The following RNF207 variants were observed in gnomAD, a reference collection of about 807,000 sequenced individuals.
RNF207 encodes the protein ring finger protein 207.
Under a neutral mutation model 79.0 loss-of-function variants are expected in RNF207, and 72 were observed. The ratio of observed to expected loss-of-function variants is 0.91; its 90% confidence interval spans 0.75 to 1.11. The LOEUF is 1.11. Among genes scored for constraint, RNF207 ranks in the 50% least tolerant of loss-of-function variants. The pLI is 0.00. For synonymous variants in RNF207, 348 were observed against 366.2 expected (o/e 0.95, Z 0.57); for missense variants, 936 against 855.8 (o/e 1.09, Z -1.17).
intron 16 of RNF207, among the ~76,000 whole-genome samples, chr1:6,214,630 C>CTTTCTTTTTTTTTTTTTTTTTTTT (rs1668298424): frequency 1.4e-5 from 1 of 70,628 alleles, no homozygotes; most frequent in Non-Finnish European, 2.6e-5. Context: ...ATATTTCTTT[C>CTTTCTTTTTTTTTTTTTTTTTTTT]TTTTTTTTTT....
intron 16 of RNF207, among the ~76,000 whole-genome samples, chr1:6,214,816 A>C (rs1281509941): frequency 2.0e-5 from 3 of 150,404 alleles, no homozygotes; most frequent in Non-Finnish European, 3.0e-5. Flanking sequence ...TTGTATTTTT[A>C]GTAGAGACGG....
rs760908067 is a variant in RNF207 at position 6,218,334 on chromosome 1, G to A, written c.1698G>A (p.Thr566=). 30 of 1,613,950 alleles carry A rather than the reference G, an allele frequency of 1.9e-5. No homozygotes were observed. The highest frequency in any genetic ancestry group is 1.6e-4 in the Middle Eastern group (1 of 6,084). ...VDEQSESLQN[T]HDDSRNNAAS... ...AGCAGTCAGAGAGTCTACAGAACAC[G>A]CACGACGACAGCAGGAACAACGCGG... is the stretch of plus-strand genomic sequence containing the variant. The change falls in exon 17 of 18, where the codon ACG becomes ACA. Residue 566 remains threonine, a synonymous_variant. Transcript: ENST00000377939.
In RNF207 at chr1:6,216,252, TCCTGGGTGCTACCCACA is replaced by T. The variant is rs367803537; in HGVS notation, c.1653-2035_1653-2019del. Reference sequence around the variant, plus strand: ...AGGGGGCTTCTGGGTGGGGACAACGTCCTGGGTGCTACCCACACAGACTTGTTCACACCATGAATGTA... The same window carrying T: ...AGGGGGCTTCTGGGTGGGGACAACGTCAGACTTGTTCACACCATGAATGTA... On this transcript the variant is annotated intron_variant, in intron 16 of 17. Transcript: ENST00000377939. 1.2e-3 allele frequency among the ~76,000 whole-genome samples: 179 copies of T among 152,244 alleles called. 2 individuals are homozygous for T. The highest frequency in any genetic ancestry group is 4.1e-3 in the African/African-American group (171 of 41,532).
Position 6,211,786 on chromosome 1 carries a change from C to A in RNF207, c.1110-81C>A. On this transcript the variant is annotated intron_variant, in intron 12 of 17. Coordinates refer to ENST00000377939, the MANE Select transcript of RNF207 (RefSeq NM_207396.3). This position sits in a 1 kb window ranked among gnomAD's most constrained non-coding sequence, Gnocchi z 4.2. ...TGGAGAGGGCTGTGAGATCCCGGAG[C>A]AGTCCAGGGGGCTGCCCTGGGAGGC... 1 of 994,764 alleles carries A rather than the reference C, an allele frequency of 1.0e-6. No individual in the cohort carries two copies. Among genetic ancestry groups the A allele is most frequent in the Non-Finnish European group, 1.5e-6 (1 of 675,350 alleles). The allele number at this position is 994,764 out of a possible 1,614,324, so 61.6% of individuals were successfully genotyped here. A position where few individuals can be genotyped will look rare whatever the true frequency, so the allele number is the denominator to read the frequency against.
At position 6,207,353 on chromosome 1, in the gene RNF207, A is replaced by G; in HGVS notation, c.192-26A>G. ...GGAGCCCTGGGGAAGGGGTATCAGA[A>G]TCTCGGGGCCTGGGCTTCTCTGCAG... On this transcript the variant is annotated intron_variant, in intron 2 of 17. Transcript: ENST00000377939. The surrounding 1 kb of genome is among the most constrained non-coding windows in gnomAD (Gnocchi z 4.5). 1 of 1,500,564 alleles carries G rather than the reference A, an allele frequency of 6.7e-7. No homozygotes were observed. The highest frequency in any genetic ancestry group is 8.9e-7 in the Non-Finnish European group (1 of 1,125,118). The allele number at this position is 1,500,564 out of a possible 1,614,324, so 93.0% of individuals were successfully genotyped here. A position where few individuals can be genotyped will look rare whatever the true frequency, so the allele number is the denominator to read the frequency against.
chr1:6,218,191 TG>T, intron 16 of RNF207, 97 bp from the exon 17 acceptor site: 1 of 776,098 alleles, frequency 1.3e-6, no homozygotes, highest in Non-Finnish European at 2.2e-6. Context: ...GGTGGGTGCA[TG>T]AGTGGTGGCA....
rs1261851214 is a variant in RNF207 at position 6,221,001 on chromosome 1, C to T, written c.*1594C>T. On this transcript the variant is annotated 3_prime_UTR_variant, in exon 18 of 18. Transcript: ENST00000377939. ...CTGCTACTTCAGGGGCACTGAGGCT[C>T]CTGTTCCAAGGCCTTACAAACCTAT... The T allele has an allele frequency of 3.9e-5, 6 of 152,238 alleles. No homozygotes were observed. In the South Asian group the frequency reaches 8.3e-4, roughly 21 times the overall value. The allele number at this position is 152,238 out of a possible 1,614,324, so 9.4% of individuals were successfully genotyped here.
intron 6 of RNF207, 34 bp downstream of exon 6, chr1:6,209,377 G>A (rs1020618473): frequency 6.6e-7 from 1 of 1,526,200 alleles, no homozygotes. Flanking sequence ...GGGGCCGCGC[G>A]GCGGCGATCG....
chr1:6,218,658 T>C (rs1184516486), intron 17 of RNF207, among the ~76,000 whole-genome samples: 3 of 152,180 alleles, frequency 2.0e-5, no homozygotes, highest in African/African-American at 7.2e-5. Flanking sequence ...TGCACGTGCT[T>C]ATGCTAGGGG....
chr1:6,219,208 C>T lies in RNF207; in HGVS notation c.1734-28C>T, dbSNP rs528136779. The T allele has an allele frequency of 3.8e-6, 6 of 1,578,894 alleles. No individual in the cohort carries two copies. In the South Asian group the frequency reaches 6.9e-5, roughly 18 times the overall value. ...GGATATGGTGAAATGGGGGAGCGGG[C>T]TGGGCTTACATGAGGCTGTCCCTTT... On this transcript the variant is annotated intron_variant, in intron 17 of 17. Coordinates refer to ENST00000377939, the MANE Select transcript of RNF207 (RefSeq NM_207396.3).
chr1:6,212,956 G>A (rs1668232914), intron 15 of RNF207, 110 bp from the exon 16 acceptor site: 1 of 817,342 alleles, frequency 1.2e-6, no homozygotes, highest in African/African-American at 1.7e-5. Flanking sequence ...TCTTTAATTA[G>A]AGGTCATCAT....
rs756779993 is a variant in RNF207 at position 6,207,716 on chromosome 1, T to C, written c.324+205T>C. ...CCAGAACAAGGGACTTGAGCCAGTGTCCAGACAGTGGCAGAGGCTAAGGCC... is the reference window on the plus strand; with the variant it reads ...CCAGAACAAGGGACTTGAGCCAGTGCCCAGACAGTGGCAGAGGCTAAGGCC... On this transcript the variant is annotated intron_variant, in intron 3 of 17. Coordinates refer to ENST00000377939, the MANE Select transcript of RNF207 (RefSeq NM_207396.3). This position sits in a 1 kb window ranked among gnomAD's most constrained non-coding sequence, Gnocchi z 4.5. 1 of 716,390 alleles carries C rather than the reference T, an allele frequency of 1.4e-6. No homozygotes were observed. The highest frequency in any genetic ancestry group is 2.5e-6 in the Non-Finnish European group (1 of 398,592). The allele number at this position is 716,390 out of a possible 1,614,324, so 44.4% of individuals were successfully genotyped here.
chr1:6,209,317 TGC>T lies in RNF207; in HGVS notation c.603_604del (p.Cys201Ter), dbSNP rs1198088848. 2 of 1,546,706 alleles carry T rather than the reference TGC, an allele frequency of 1.3e-6. No individual in the cohort carries two copies. Among genetic ancestry groups the T allele is most frequent in the Non-Finnish European group, 1.7e-6 (2 of 1,146,622 alleles). ...CCTGGAATCGGCTTACGTGCAGGGC[TGC>T]GAGCGGCTGGAGCAGGCGGTGCTGG... ...VDLESAYVQG[C>X]ERLEQAVLAV... On this transcript the variant is annotated frameshift_variant, in exon 6 of 18. Transcript: ENST00000377939. LOFTEE classifies it high-confidence loss of function.
Position 6,209,160 on chromosome 1 carries a change from T to G in RNF207, c.515T>G (p.Leu172Trp), listed in dbSNP as rs1434720807. 2.6e-6 allele frequency: 4 copies of G among 1,557,536 alleles called. No homozygotes were observed. The highest frequency in any genetic ancestry group is 2.4e-5 in the East Asian group (1 of 41,896). Residue 172 changes from leucine to tryptophan, a missense_variant, in exon 5 of 18, where the codon TTG becomes TGG. Transcript: ENST00000377939. ...CTCTTGTTCTCCACCGACAAGAAGT[T>G]GCTGTTGTGCATCCGCTGCTTCCGC... ...PYLLFSTDKK[L>W]LLCIRCFRDM... is the part of the protein sequence containing the mutation.
At chr1:6,216,983 C>T (rs1190494293) in intron 16 of RNF207, among the ~76,000 whole-genome samples, 5 of 151,390 alleles carry the variant, frequency 3.3e-5, no homozygotes, top group Non-Finnish European at 7.4e-5. Flanking sequence ...AATCCTCCCA[C>T]CTCAGCCTCC....
At chr1:6,213,256 C>A in intron 16 of RNF207, 73 bp downstream of exon 16, 1 of 982,188 alleles carries the variant, frequency 1.0e-6, no homozygotes, top group East Asian at 2.5e-5. Flanking sequence ...TGCGGTGGCT[C>A]ACGCCTGTAA....
In RNF207 at chr1:6,207,035, C is replaced by T. The variant is rs1667935850; in HGVS notation, c.191+309C>T. On this transcript the variant is annotated intron_variant, in intron 2 of 17. Coordinates refer to ENST00000377939, the MANE Select transcript of RNF207 (RefSeq NM_207396.3). This position sits in a 1 kb window ranked among gnomAD's most constrained non-coding sequence, Gnocchi z 4.5. The stretch of plus-strand genomic sequence containing the variant: ...GCTCCCGGTTACTCGCTTGGGGGTC[C>T]TAGAAGTCTTAGGTCCACAAAACCA... Among the ~76,000 whole-genome samples the T allele has an allele frequency of 6.9e-6, 1 of 144,912 alleles. No individual in the cohort carries two copies. Among genetic ancestry groups the T allele is most frequent in the Non-Finnish European group, 1.6e-5 (1 of 63,626 alleles).
rs1667944889 is a variant in RNF207, at chr1:6,207,233, T to G, written c.192-146T>G. The G allele has an allele frequency of 3.9e-6, 3 of 776,038 alleles. No homozygotes were observed. Among genetic ancestry groups the G allele is most frequent in the Middle Eastern group, 7.7e-4 (2 of 2,610 alleles). 48.1% of individuals were successfully genotyped at this position (776,038 alleles called of 1,614,324 possible). On this transcript the variant is annotated intron_variant, in intron 2 of 17. Transcript: ENST00000377939. This position sits in a 1 kb window ranked among gnomAD's most constrained non-coding sequence, Gnocchi z 4.5. ...GGACCAGGGCAGGGTGAGTGCTGGCTGTGATATTTATAGCAGACCCCAGAG... is the reference window on the plus strand; with the variant it reads ...GGACCAGGGCAGGGTGAGTGCTGGCGGTGATATTTATAGCAGACCCCAGAG...
chr1:6,206,404 C>A, intron 1 of RNF207, 102 bp downstream of exon 1: 1 of 650,284 alleles, frequency 1.5e-6, no homozygotes, highest in Non-Finnish European at 2.6e-6. Flanking sequence ...CGGCTCCCCA[C>A]TCCATGACCT....
Sources: gnomAD v4.1 joint callset for allele counts (sites outside exome capture counted in the v4.1 genomes callset) on GRCh38, gnomAD v4.1.1 for gene constraint, Gnocchi (gnomAD v3.1) non-coding constraint, MANE v1.5 for transcripts, NCBI Gene and HGNC (gene_info 2026-07-23, HGNC 2026-07-21) for gene names.